The following PACSIN3 variants were observed in gnomAD, a reference collection of about 807,000 sequenced individuals.
PACSIN3 encodes protein kinase C and casein kinase substrate in neurons protein 3.
PACSIN3 carries 34 observed loss-of-function variants against 56.1 expected under a neutral mutation model. The ratio of observed to expected loss-of-function variants is 0.61; its 90% confidence interval spans 0.46 to 0.81. The LOEUF (loss-of-function observed/expected upper bound fraction) is 0.81. Among genes scored for constraint, PACSIN3 ranks in the 30% least tolerant of loss-of-function variants. PACSIN3 has a pLI of 0.00. For missense variants in PACSIN3, 535 were observed against 592.4 expected (o/e 0.90, Z 1.01); for synonymous variants, 218 against 229.8 (o/e 0.95, Z 0.46).
In PACSIN3 at chr11:47,178,209, C is replaced by G. The variant is rs1198302752; in HGVS notation, c.1159+157G>C. The stretch of plus-strand genomic sequence containing the variant: ...GTCAGCAAGCTGCCCCACCCCAGAC[C>G]CTGAATGCAGCCACCAGGCACCAGC... On this transcript the variant is annotated intron_variant, in intron 10 of 10. Coordinates refer to ENST00000298838, the MANE Select transcript of PACSIN3 (RefSeq NM_016223.5). This position sits in a 1 kb window ranked among gnomAD's most constrained non-coding sequence, Gnocchi z 4.2. 6.6e-6 allele frequency among the ~76,000 whole-genome samples: 1 copy of G among 152,224 alleles called. No homozygotes were observed. The highest frequency in any genetic ancestry group is 1.5e-5 in the Non-Finnish European group (1 of 68,038).
intron 4 of PACSIN3, 58 bp downstream of exon 4, chr11:47,182,344 AG>A: frequency 6.7e-7 from 1 of 1,495,380 alleles, no homozygotes; most frequent in Non-Finnish European, 8.9e-7. Context: ...TGCAAAAAGA[AG>A]CTGGCCCGAC....
intron 4 of PACSIN3, among the ~76,000 whole-genome samples, chr11:47,181,420 A>G (rs1434093618): frequency 6.6e-6 from 1 of 152,206 alleles, no homozygotes; most frequent in Non-Finnish European, 1.5e-5. Flanking sequence ...CCTGGGCTCA[A>G]CCTTCAGCAC....
rs1194624426 is a variant in PACSIN3 at position 47,180,293 on chromosome 11, T to C, written c.496A>G (p.Thr166Ala). ...GCGTGGCTCTCCCTCGTCTGGGCGG[T>C]CTTCTCATCCTTCCGGGCTGCGTGG... ...SYHAARKDEK[T>A]AQTRESHAKA... The change falls in exon 6 of 11, where the codon ACC becomes GCC. Residue 166 changes from threonine to alanine, a missense_variant. By Grantham distance (58) the Thr-to-Ala change is moderately conservative. Coordinates refer to ENST00000298838, the MANE Select transcript of PACSIN3 (RefSeq NM_016223.5). 1 of 1,602,932 alleles carries C rather than the reference T, an allele frequency of 6.2e-7. No homozygotes were observed. The highest frequency in any genetic ancestry group is 1.3e-5 in the African/African-American group (1 of 74,912).
rs1487571603 is a variant in PACSIN3 at position 47,177,892 on chromosome 11, C to G, written c.*39G>C. 1 of 1,508,928 alleles carries G rather than the reference C, an allele frequency of 6.6e-7. No homozygotes were observed. The highest frequency in any genetic ancestry group is 9.2e-7 in the Non-Finnish European group (1 of 1,084,726). The allele number at this position is 1,508,928 out of a possible 1,614,324, so 93.5% of individuals were successfully genotyped here. ...TCTCCAGGAGAAGCTGGGCTCTGAA[C>G]CAGGGTGGGTAAACGTTGCAGAAGG... On this transcript the variant is annotated 3_prime_UTR_variant, in exon 11 of 11. Transcript: ENST00000298838.
Position 47,180,558 on chromosome 11 carries a change from C to G in PACSIN3, c.344G>C (p.Arg115Pro). 2 of 1,603,750 alleles carry G rather than the reference C, an allele frequency of 1.2e-6. No individual in the cohort carries two copies. The highest frequency in any genetic ancestry group is 1.7e-6 in the Non-Finnish European group (2 of 1,179,580). ...QDSERVRAWQ[R>P]GAFHRPVLGG... ...CAGCACAGGCCGGTGGAAAGCCCCC[C>G]GCTGCCAGGCGCGCACCCGCTCACT... The change falls in exon 5 of 11, where the codon CGG (arginine) becomes CCG (proline). Residue 115 changes from arginine (R) to proline (P), a missense_variant. Physicochemically the swap from Arg to Pro is moderately radical, Grantham distance 103. Transcript: ENST00000298838.
In PACSIN3 at chr11:47,179,563, C is replaced by T. The variant is rs746042413; in HGVS notation, c.627G>A (p.Thr209=). ...AEKTKAQYEQ[T]LAELHRYTPR... ...GAGTGTAGCGATGCAGCTCTGCCAG[C>T]GTCTGCTCATACTGAGCTTTTGTCT... Residue 209 remains threonine, a synonymous_variant, in exon 7 of 11, where the codon ACG becomes ACA. Coordinates refer to ENST00000298838, the MANE Select transcript of PACSIN3 (RefSeq NM_016223.5). This position sits in a 1 kb window ranked among gnomAD's most constrained non-coding sequence, Gnocchi z 4.4. 7.4e-6 allele frequency: 12 copies of T among 1,613,542 alleles called. No individual in the cohort carries two copies. Among genetic ancestry groups the T allele is most frequent in the Admixed American group, 3.3e-5 (2 of 59,996 alleles).
intron 1 of PACSIN3, chr11:47,185,177 G>A (rs919858540): frequency 1.3e-5 from 2 of 152,428 alleles, no homozygotes; most frequent in Non-Finnish European, 2.9e-5. Context: ...TCGGCTCCGA[G>A]AGGTCTTCCT....
intron 1 of PACSIN3, among the ~76,000 whole-genome samples, chr11:47,183,491 C>G (rs758048128): frequency 6.6e-6 from 1 of 152,358 alleles, no homozygotes; most frequent in Non-Finnish European, 1.5e-5. Context: ...CCCCAGCTCC[C>G]TCTAAGATGG....
rs1952926257 is a variant in PACSIN3 at position 47,178,192 on chromosome 11, G to A, written c.1160-146C>T. ...GGCAGAGGCAGGTCAAGGTCAGCAA[G>A]CTGCCCCACCCCAGACCCTGAATGC... On this transcript the variant is annotated intron_variant, in intron 10 of 10. Transcript: ENST00000298838. This position sits in a 1 kb window ranked among gnomAD's most constrained non-coding sequence, Gnocchi z 4.2. 1 of 1,176,202 alleles carries A rather than the reference G, an allele frequency of 8.5e-7. No homozygotes were observed. Among genetic ancestry groups the A allele is most frequent in the Non-Finnish European group, 1.2e-6 (1 of 817,146 alleles). 72.9% of individuals were successfully genotyped at this position (1,176,202 alleles called of 1,614,324 possible). A position where few individuals can be genotyped will look rare whatever the true frequency, so the allele number is the denominator to read the frequency against.
rs377425381 is a variant in PACSIN3 at position 47,178,477 on chromosome 11, C to G, written c.1048G>C (p.Asp350His). The G allele has an allele frequency of 1.2e-6, 2 of 1,613,702 alleles. No individual in the cohort carries two copies. The highest frequency in any genetic ancestry group is 2.2e-5 in the South Asian group (2 of 91,084). The part of the protein sequence containing the change: ...QSPGSPGTGQ[D>H]EEWSDEESPR... ...CTCTCTTCATCTGACCACTCCTCAT[C>G]CTGCCCCGTGCTGGAGAGGGGAGGC... The change falls in exon 10 of 11, where the codon GAT becomes CAT. Residue 350 changes from aspartate (D) to histidine (H), a missense_variant. Transcript: ENST00000298838. This position sits in a 1 kb window ranked among gnomAD's most constrained non-coding sequence, Gnocchi z 4.2.
At chr11:47,181,221 C>T (rs1050153851) in intron 4 of PACSIN3, among the ~76,000 whole-genome samples, 14 of 151,358 alleles carry the variant, frequency 9.2e-5, no homozygotes, top group African/African-American at 2.9e-4. Flanking sequence ...GAGATCACGC[C>T]GCTGTACTCC....
In PACSIN3 at chr11:47,180,583, T is replaced by G. The variant is rs1461258418; in HGVS notation, c.319A>C (p.Ser107Arg). 6.2e-7 allele frequency: 1 copy of G among 1,604,852 alleles called. No homozygotes were observed. Among genetic ancestry groups the G allele is most frequent in the African/African-American group, 1.3e-5 (1 of 75,062 alleles). The change falls in exon 5 of 11, where the codon AGT (serine) becomes CGT (arginine). Residue 107 changes from serine to arginine, a missense_variant. Physicochemically the swap from Ser to Arg is moderately radical, Grantham distance 110. Transcript: ENST00000298838. ...EVREKLQGQD[S>R]ERVRAWQRGA... ...CGCTGCCAGGCGCGCACCCGCTCAC[T>G]GTCCTGCCCTTGCAGCTTCTCCCGC...
rs376443724 is a variant in PACSIN3, at chr11:47,181,037, T to C, written c.212-347A>G. On this transcript the variant is annotated intron_variant, in intron 4 of 10. Transcript: ENST00000298838. ...CAGCACTTTGGGAGGCCAAGGCGGG[T>C]GGATCACAAGGTCAGGAGATCGAGA... Among the ~76,000 whole-genome samples the C allele has an allele frequency of 6.7e-3, 1,013 of 150,272 alleles. 11 individuals are homozygous for C. Among genetic ancestry groups the C allele is most frequent in the African/African-American group, 0.024 (977 of 40,660 alleles).
In PACSIN3 at chr11:47,178,046, C is replaced by G; in HGVS notation, c.1160G>C (p.Gly387Ala). 2 of 1,612,986 alleles carry G rather than the reference C, an allele frequency of 1.2e-6. No individual in the cohort carries two copies. Among genetic ancestry groups the G allele is most frequent in the Non-Finnish European group, 1.7e-6 (2 of 1,179,258 alleles). ...QEADELSFRAGEELLKMSEED... is the reference protein window; with the variant it reads ...QEADELSFRAAEELLKMSEED... ...CTCACTCATCTTCAGCAGCTCCTCC[C>G]CTGGGGGAAAGGGGATTGGTCACTG... Residue 387 changes from glycine (G) to alanine (A), a missense_variant and splice_region_variant, in exon 11 of 11, where the codon GGG becomes GCG. Transcript: ENST00000298838. This position sits in a 1 kb window ranked among gnomAD's most constrained non-coding sequence, Gnocchi z 4.2.
Position 47,177,845 on chromosome 11 carries a change from T to C in PACSIN3, c.*86A>G. 3.8e-6 allele frequency: 4 copies of C among 1,045,588 alleles called. No homozygotes were observed. The South Asian group carries it at 3.8e-5, about 10-fold the overall frequency. The allele number at this position is 1,045,588 out of a possible 1,614,324, so 64.8% of individuals were successfully genotyped here. On this transcript the variant is annotated 3_prime_UTR_variant, in exon 11 of 11. Transcript: ENST00000298838. Reference sequence around the variant, plus strand: ...CAGAGGAGCAGCCAGAGAGCGACGGTTCAGGGCCCTGAGGGTCCGGCTCTC... The same window carrying C: ...CAGAGGAGCAGCCAGAGAGCGACGGCTCAGGGCCCTGAGGGTCCGGCTCTC...
rs752865412 is a variant in PACSIN3 at position 47,179,351 on chromosome 11, G to T, written c.779+60C>A. The stretch of plus-strand genomic sequence containing the variant: ...ATCCCTCAGTCCCAGCCAGGGCCTC[G>T]GGGAGATGGAGGAGACCCAGTACTA... On this transcript the variant is annotated intron_variant, in intron 7 of 10. Transcript: ENST00000298838. This position sits in a 1 kb window ranked among gnomAD's most constrained non-coding sequence, Gnocchi z 4.4. 1.9e-6 allele frequency: 3 copies of T among 1,612,954 alleles called. No homozygotes were observed. Among genetic ancestry groups the T allele is most frequent in the Middle Eastern group, 1.7e-4 (1 of 6,060 alleles).
At position 47,180,477 on chromosome 11, in the gene PACSIN3, G is replaced by A; in HGVS notation, c.425C>T (p.Pro142Leu). 4 of 1,601,508 alleles carry A rather than the reference G, an allele frequency of 2.5e-6. No homozygotes were observed. Among genetic ancestry groups the A allele is most frequent in the Non-Finnish European group, 3.4e-6 (4 of 1,176,594 alleles). ...CACCTCCTTCAGCCTCTTCAGCCAG[G>A]GCTTCTGGGCCTTGCGGAAGCCGTC... Reference protein sequence around the residue: ...AEDGFRKAQKPWLKRLKEVEA... With the variant: ...AEDGFRKAQKLWLKRLKEVEA... Residue 142 changes from proline (P) to leucine (L), a missense_variant, in exon 5 of 11, where the codon CCC becomes CTC. Coordinates refer to ENST00000298838, the MANE Select transcript of PACSIN3 (RefSeq NM_016223.5).
chr11:47,177,630 C>A lies in PACSIN3; in HGVS notation c.*301G>T, dbSNP rs371125057. 16 of 446,444 alleles carry A rather than the reference C, an allele frequency of 3.6e-5. No homozygotes were observed. The highest frequency in any genetic ancestry group is 2.4e-4 in the Admixed American group (6 of 24,860). The allele number at this position is 446,444 out of a possible 1,614,324, so 27.7% of individuals were successfully genotyped here. A position where few individuals can be genotyped will look rare whatever the true frequency, so the allele number is the denominator to read the frequency against. ...AACTACACTCACCCCAAGCCCACCCCAGGAACCCCAAAGCAGAGGTCAGGA... is the reference window on the plus strand; with the variant it reads ...AACTACACTCACCCCAAGCCCACCCAAGGAACCCCAAAGCAGAGGTCAGGA... On this transcript the variant is annotated 3_prime_UTR_variant, in exon 11 of 11. Coordinates refer to ENST00000298838, the MANE Select transcript of PACSIN3 (RefSeq NM_016223.5).
At position 47,179,505 on chromosome 11, in the gene PACSIN3, C is replaced by G. The variant is rs754923304; in HGVS notation, c.685G>C (p.Glu229Gln). 8.7e-6 allele frequency: 14 copies of G among 1,613,958 alleles called. No homozygotes were observed. Among genetic ancestry groups the G allele is most frequent in the Non-Finnish European group, 1.2e-5 (14 of 1,180,036 alleles). ...TGGCGCTCGGCGGCCTGGCAGGTCT[C>G]AAAGGCCTGTTCCATGTCCTCCATG... is the stretch of plus-strand genomic sequence containing the variant. ...RYMEDMEQAF[E>Q]TCQAAERQRL... Residue 229 changes from glutamate to glutamine, a missense_variant, in exon 7 of 11, where the codon GAG becomes CAG. By Grantham distance (29) the Glu-to-Gln change is conservative. Coordinates refer to ENST00000298838, the MANE Select transcript of PACSIN3 (RefSeq NM_016223.5). The surrounding 1 kb of genome is among the most constrained non-coding windows in gnomAD (Gnocchi z 4.4).
Sources: gnomAD v4.1 joint callset for allele counts (sites outside exome capture counted in the v4.1 genomes callset) on GRCh38, gnomAD v4.1.1 for gene constraint, Gnocchi (gnomAD v3.1) non-coding constraint, MANE v1.5 for transcripts, NCBI Gene and HGNC (gene_info 2026-07-23, HGNC 2026-07-21) for gene names.